Variants in SHOC1 observed in about 807,000 individuals in gnomAD.
SHOC1 encodes protein shortage in chiasmata 1 ortholog.
A neutral mutation model predicts 179.2 loss-of-function variants in SHOC1; 136 were observed. The ratio of observed to expected loss-of-function variants is 0.76; its 90% CI spans 0.66 to 0.87. The LOEUF (loss-of-function observed/expected upper bound fraction) is 0.87, where lower values mean the gene tolerates loss of function less well. Ranked by LOEUF, SHOC1 falls within the 40% of genes least tolerant of loss-of-function variation. The pLI, the probability that SHOC1 is intolerant of heterozygous loss-of-function variation, is 0.00. For missense variants in SHOC1, 1,538 were observed against 1,700.8 expected, an observed-to-expected ratio of 0.90 and a Z score of 1.68; for synonymous variants, 489 against 586.6, an observed-to-expected ratio of 0.83 and a Z score of 2.41.
intron 18 of SHOC1, among the ~76,000 whole-genome samples, chr9:111,710,496 T>A (rs1832493501): frequency 6.6e-6 from 1 of 152,206 alleles, no homozygotes; most frequent in South Asian, 2.1e-4. Flanking sequence ...ATTGGCACAT[T>A]CATTTGTTTA....
intron 17 of SHOC1, 98 bp downstream of exon 17, chr9:111,714,347 A>G (rs992657088): frequency 3.2e-5 from 39 of 1,219,234 alleles, no homozygotes; most frequent in Non-Finnish European, 4.5e-5. Flanking sequence ...TAAGTAGTAT[A>G]GACTACTTCA....
chr9:111,705,117 CAGACACATGG>C (rs923176209), intron 21 of SHOC1, 120 bp downstream of exon 21: 36 of 407,288 alleles, frequency 8.8e-5, no homozygotes, highest in Non-Finnish European at 4.5e-6. Flanking sequence ...GCTTGAATCA[CAGACACATGG>C]AGACACATAT....
At chr9:111,779,315 T>G (rs1835950533) in intron 4 of SHOC1, among the ~76,000 whole-genome samples, 1 of 152,152 alleles carries the variant, frequency 6.6e-6, no homozygotes, top group Non-Finnish European at 1.5e-5. Flanking sequence ...GAGCCTGAGA[T>G]TCTGCATTTC....
chr9:111,750,371 C>T (rs545518392), intron 8 of SHOC1, among the ~76,000 whole-genome samples: 5 of 152,082 alleles, frequency 3.3e-5, no homozygotes, highest in Non-Finnish European at 5.9e-5. Context: ...TGCTCTGTCA[C>T]CCAGGCTGGA....
chr9:111,724,451 C>T (rs200309690), intron 13 of SHOC1, among the ~76,000 whole-genome samples: 2 of 151,942 alleles, frequency 1.3e-5, no homozygotes, highest in African/African-American at 4.8e-5. Flanking sequence ...GCAATCCTCC[C>T]ACCTCAGCCT....
chr9:111,732,954 T>C (rs1318885566), intron 12 of SHOC1, among the ~76,000 whole-genome samples: 1 of 152,216 alleles, frequency 6.6e-6, no homozygotes, highest in Non-Finnish European at 1.5e-5. Context: ...TATATTATGA[T>C]GTATCAGTGA....
intron 16 of SHOC1, among the ~76,000 whole-genome samples, chr9:111,717,638 C>T (rs1042869798): frequency 6.6e-6 from 1 of 151,320 alleles, no homozygotes; most frequent in Non-Finnish European, 1.5e-5. Context: ...AATAAGGGGC[C>T]TAAAGCAGTA....
At chr9:111,697,877 G>C (rs1473770024) in intron 24 of SHOC1, among the ~76,000 whole-genome samples, 2 of 152,094 alleles carry the variant, frequency 1.3e-5, no homozygotes, top group East Asian at 1.9e-4. Context: ...TTTAATGATC[G>C]CCATTCTAAC....
intron 12 of SHOC1, among the ~76,000 whole-genome samples, chr9:111,732,921 T>C (rs1833650699): frequency 6.6e-6 from 1 of 152,222 alleles, no homozygotes; most frequent in Admixed American, 6.5e-5. Context: ...AGGTGCAGTC[T>C]TCCTGCATTG....
chr9:111,780,297 C>T (rs117110092), intron 4 of SHOC1, among the ~76,000 whole-genome samples: 3 of 152,254 alleles, frequency 2.0e-5, no homozygotes, highest in East Asian at 3.9e-4. Context: ...GCTGGATCAG[C>T]GTTCTGTGCA....
At chr9:111,699,863 C>T (rs1831878485) in intron 24 of SHOC1, 91 bp downstream of exon 24, 2 of 676,468 alleles carry the variant, frequency 3.0e-6, no homozygotes, top group South Asian at 2.2e-5. Context: ...AATTCATTTG[C>T]TTAACACTTT....
intron 26 of SHOC1, among the ~76,000 whole-genome samples, chr9:111,693,000 AATAGCTTTAG>A (rs1352942517): frequency 6.6e-6 from 1 of 152,090 alleles, no homozygotes; most frequent in African/African-American, 2.4e-5. Flanking sequence ...ATCTGTATAA[AATAGCTTTAG>A]AATGTATAAT....
rs746193860 is a variant in SHOC1 at position 111,758,081 on chromosome 9, A to C, written c.708+3T>G. 1 of 1,428,054 alleles carries C rather than the reference A, an allele frequency of 7.0e-7. No homozygotes were observed. Among genetic ancestry groups the C allele is most frequent in the South Asian group, 1.3e-5 (1 of 75,796 alleles). The allele number at this position is 1,428,054 out of a possible 1,614,324, so 88.5% of individuals were successfully genotyped here. A position where few individuals can be genotyped will look rare whatever the true frequency, so the allele number is the denominator to read the frequency against. The stretch of plus-strand genomic sequence containing the variant: ...AAATATTATTGAAAGCCAGTATTAC[A>C]ACCTCATTTAAACATATTGTATCTT... On this transcript the variant is annotated splice_donor_region_variant and intron_variant, in intron 7 of 27. Coordinates refer to ENST00000682961, the MANE Select transcript of SHOC1 (RefSeq NM_001378211.1).
intron 5 of SHOC1, 109 bp downstream of exon 5, chr9:111,775,681 TG>T: frequency 1.3e-6 from 1 of 777,058 alleles, no homozygotes; most frequent in South Asian, 2.2e-5. Context: ...GTTATGCAGG[TG>T]GATCTTTAAT....
At chr9:111,702,742 A>T in intron 22 of SHOC1, among the ~76,000 whole-genome samples, 1 of 152,248 alleles carries the variant, frequency 6.6e-6, no homozygotes, top group East Asian at 1.9e-4. Flanking sequence ...TTCCTTTAAC[A>T]TAAGTAATTT....
chr9:111,776,217 A>C (rs1341911164), intron 4 of SHOC1, among the ~76,000 whole-genome samples: 2 of 151,924 alleles, frequency 1.3e-5, no homozygotes, highest in Non-Finnish European at 2.9e-5. Flanking sequence ...TTCTGTAAAA[A>C]AAATGAAGAA....
intron 5 of SHOC1, among the ~76,000 whole-genome samples, chr9:111,769,461 T>G (rs561366746): frequency 7.9e-5 from 12 of 152,168 alleles, no homozygotes; most frequent in Non-Finnish European, 1.6e-4. Context: ...GGTTTTCTAT[T>G]TCTTCATAGT....
chr9:111,729,588 G>T (rs1025100637), intron 12 of SHOC1, among the ~76,000 whole-genome samples: 3 of 152,172 alleles, frequency 2.0e-5, no homozygotes, highest in African/African-American at 7.2e-5. Flanking sequence ...ACCCAGAGTA[G>T]AACTTCTTTC....
At chr9:111,697,189 C>T (rs62569951) in intron 24 of SHOC1, among the ~76,000 whole-genome samples, 1 of 146,094 alleles carries the variant, frequency 6.8e-6, no homozygotes, top group African/African-American at 2.6e-5. Context: ...TCTTTTCTCT[C>T]CTTTTTTTTT....
Sources: allele counts gnomAD v4.1 joint callset (sites outside exome capture counted in the v4.1 genomes callset), GRCh38; gene constraint gnomAD v4.1.1; transcripts MANE v1.5; gene names NCBI Gene and HGNC (gene_info 2026-07-23, HGNC 2026-07-21).